ZZEF1: variants seen among roughly 807,000 people sequenced by gnomAD.
ZZEF1 encodes the protein zinc finger ZZ-type and EF-hand domain-containing protein 1.
Under a neutral mutation model 342.8 loss-of-function variants are expected in ZZEF1, and 157 were observed. The ratio of observed to expected loss-of-function variants is 0.46; its 90% confidence interval spans 0.40 to 0.52. The LOEUF is 0.52. ZZEF1 is among the 20% of genes least tolerant of loss of function. The pLI, the probability that ZZEF1 is intolerant of heterozygous loss-of-function variation, is 0.00. For synonymous variants in ZZEF1, 1,505 were observed against 1,429.1 expected (o/e 1.05, Z -1.20); for missense variants, 3,480 against 3,725.6 (o/e 0.93, Z 1.72).
In ZZEF1 at chr17:4,006,222, G is replaced by C. The variant is rs1186046939; in HGVS notation, c.*668C>G. 1 of 154,544 alleles carries C rather than the reference G, an allele frequency of 6.5e-6. No homozygotes were observed. The highest frequency in any genetic ancestry group is 6.4e-5 in the Admixed American group (1 of 15,736). 9.6% of individuals were successfully genotyped at this position (154,544 alleles called of 1,614,324 possible). A position where few individuals can be genotyped will look rare whatever the true frequency, so the allele number is the denominator to read the frequency against. ...ACTGAAATATGTCAAAACAACAACT[G>C]AGGAACTGCGGCTGTGCTGCCTGGT... is the stretch of plus-strand genomic sequence containing the variant. On this transcript the variant is annotated 3_prime_UTR_variant, in exon 55 of 55. Coordinates refer to ENST00000381638, the MANE Select transcript of ZZEF1 (RefSeq NM_015113.4).
chr17:4,042,346 A>G (rs763142751), intron 39 of ZZEF1, 83 bp downstream of exon 39: 3 of 1,416,584 alleles, frequency 2.1e-6, no homozygotes, highest in Non-Finnish European at 2.9e-6. Context: ...GATGATTGTC[A>G]TCATTTGTTT....
Position 4,105,725 on chromosome 17 carries a change from T to C in ZZEF1, c.1362A>G (p.Glu454=). The change falls in exon 7 of 55, where the codon GAA becomes GAG. Residue 454 remains glutamate (E), a synonymous_variant. Coordinates refer to ENST00000381638, the MANE Select transcript of ZZEF1 (RefSeq NM_015113.4). ...TCCTTATGAGGAAACTGTCCACTTC[T>C]TCCAGCACATTAGGGGAGAGGAAAG... The part of the protein sequence containing the change: ...FSTFLSPNVL[E]EVDSFLIRIT... The C allele has an allele frequency of 1.2e-6, 2 of 1,613,572 alleles. No individual in the cohort carries two copies. The highest frequency in any genetic ancestry group is 2.2e-5 in the South Asian group (2 of 90,936).
chr17:4,052,055 A>T lies in ZZEF1; in HGVS notation c.5516T>A (p.Ile1839Asn). The T allele has an allele frequency of 6.2e-7, 1 of 1,614,178 alleles. No individual in the cohort carries two copies. The highest frequency in any genetic ancestry group is 8.5e-7 in the Non-Finnish European group (1 of 1,180,016). ...EFTCDHCQGL[I>N]IGRRMNCNVC... ...ATTGCAGTTCATCCTCCGGCCTATG[A>T]TCAAACCCTGGCAGTGGTCACAGGT... Residue 1839 changes from isoleucine to asparagine, a missense_variant, in exon 35 of 55, where the codon ATC becomes AAC. Around this residue, in one of 5 missense-constraint regions of ZZEF1, gnomAD observed 175 missense variants for 254.6 expected, o/e 0.69. Coordinates refer to ENST00000381638, the MANE Select transcript of ZZEF1 (RefSeq NM_015113.4).
At chr17:4,056,396 G>C (rs1182919195) in intron 32 of ZZEF1, 51 bp from the exon 33 acceptor site, 5 of 1,520,108 alleles carry the variant, frequency 3.3e-6, no homozygotes, top group Non-Finnish European at 1.8e-6. Flanking sequence ...AATCACCAAG[G>C]AAAGTACTGG....
chr17:4,068,067 G>C (rs1403597440), intron 26 of ZZEF1, among the ~76,000 whole-genome samples: 1 of 152,144 alleles, frequency 6.6e-6, no homozygotes, highest in East Asian at 1.9e-4. Context: ...AACAGAGCAA[G>C]ACCCTGTCTC....
chr17:4,115,730 G>A (rs1260715090), intron 3 of ZZEF1, among the ~76,000 whole-genome samples: 3 of 152,096 alleles, frequency 2.0e-5, no homozygotes, highest in African/African-American at 4.8e-5. Context: ...CAAGGGCAGA[G>A]TTACTAAAAA....
intron 39 of ZZEF1, 26 bp downstream of exon 39, chr17:4,042,403 C>G (rs756647329): frequency 2.1e-5 from 34 of 1,599,916 alleles, no homozygotes; most frequent in Non-Finnish European, 2.9e-5. Flanking sequence ...CCACCACCCC[C>G]ACTTTTAAAA....
In ZZEF1 at chr17:4,006,577, T is replaced by TC; in HGVS notation, c.*312dup. On this transcript the variant is annotated 3_prime_UTR_variant, in exon 55 of 55. Transcript: ENST00000381638. ...GTTGAGAGAGGCCGCTTCCAAGTCT[T>TC]CCCAGGCCCACGGCTCCTGCAGTGA... 1 of 394,640 alleles carries TC rather than the reference T, an allele frequency of 2.5e-6. No homozygotes were observed. The highest frequency in any genetic ancestry group is 4.7e-6 in the Non-Finnish European group (1 of 212,674). The allele number at this position is 394,640 out of a possible 1,614,324, so 24.4% of individuals were successfully genotyped here.
intron 39 of ZZEF1, among the ~76,000 whole-genome samples, chr17:4,037,012 A>C (rs1362915626): frequency 6.6e-6 from 1 of 152,098 alleles, no homozygotes; most frequent in Admixed American, 6.6e-5. Context: ...AGAATTTAAG[A>C]AGTGCTGAAA....
chr17:4,010,721 T>A (rs1407215566), intron 52 of ZZEF1, among the ~76,000 whole-genome samples: 2 of 678 alleles, frequency 2.9e-3, no homozygotes, highest in African/African-American at 7.1e-3. Context: ...TGAGATTCCG[T>A]CTCAAAAAAA....
At chr17:4,037,490 C>A (rs558196575) in intron 39 of ZZEF1, among the ~76,000 whole-genome samples, 1 of 152,346 alleles carries the variant, frequency 6.6e-6, no homozygotes, top group East Asian at 1.9e-4. Flanking sequence ...TCTTCAAAAG[C>A]TCATGATCAC....
Position 4,032,270 on chromosome 17 carries a change from T to G in ZZEF1, c.6760-12A>C. ...CCCACACAGAGGACCTAGAACGTGG[T>G]AGACAGAGACAGAAAGGCAACTCAA... On this transcript the variant is annotated splice_polypyrimidine_tract_variant and intron_variant, in intron 41 of 54. Transcript: ENST00000381638. 2 of 1,606,604 alleles carry G rather than the reference T, an allele frequency of 1.2e-6. No individual in the cohort carries two copies.
chr17:4,105,898 T>C, intron 6 of ZZEF1, 89 bp from the exon 7 acceptor site: 1 of 1,037,836 alleles, frequency 9.6e-7, no homozygotes, highest in Middle Eastern at 2.1e-4. Context: ...TTTTGACTAA[T>C]CCCTTATAAA....
At chr17:4,119,577 C>G (rs2058450840) in intron 2 of ZZEF1, among the ~76,000 whole-genome samples, 1 of 152,180 alleles carries the variant, frequency 6.6e-6, no homozygotes, top group Non-Finnish European at 1.5e-5. Context: ...AAAGTAGACA[C>G]CTGCTGAGAC....
In ZZEF1 at chr17:4,085,792, C is replaced by T; in HGVS notation, c.2524G>A (p.Val842Met). ...YTHLCDVVDK[V>M]DGDSVPMEIL... Reference sequence around the variant, plus strand: ...TCCATGGGCACAGAGTCTCCATCCACCTTGTCCACCACTGATAAAATGAAC... The same window carrying T: ...TCCATGGGCACAGAGTCTCCATCCATCTTGTCCACCACTGATAAAATGAAC... The change falls in exon 16 of 55, where the codon GTG becomes ATG. Residue 842 changes from valine (V) to methionine (M), a missense_variant. Physicochemically the swap from Val to Met is conservative, Grantham distance 21. Around this residue, in one of 5 missense-constraint regions of ZZEF1, gnomAD observed 1,528 missense variants for 1,624.1 expected, o/e 0.94. Transcript: ENST00000381638. 2 of 1,614,112 alleles carry T rather than the reference C, an allele frequency of 1.2e-6. No homozygotes were observed. Among genetic ancestry groups the T allele is most frequent in the African/African-American group, 1.3e-5 (1 of 75,046 alleles).
chr17:4,023,778 G>T (rs995204537), intron 43 of ZZEF1, among the ~76,000 whole-genome samples: 1 of 152,126 alleles, frequency 6.6e-6, no homozygotes, highest in East Asian at 1.9e-4. Context: ...GCTGCAGTGA[G>T]CCGTGATCAC....
intron 53 of ZZEF1, 110 bp downstream of exon 53, chr17:4,009,494 G>A (rs752211556): frequency 1.5e-5 from 22 of 1,483,436 alleles, no homozygotes; most frequent in South Asian, 1.0e-4. Flanking sequence ...GTGGCCTGTC[G>A]AGACCCTGGC....
chr17:4,037,160 A>C (rs547420565), intron 39 of ZZEF1, among the ~76,000 whole-genome samples: 43 of 152,310 alleles, frequency 2.8e-4, no homozygotes, highest in Middle Eastern at 3.4e-3. Context: ...AACTAACTAA[A>C]TAAATAAATT....
chr17:4,063,776 G>A (rs1018220016), intron 29 of ZZEF1, among the ~76,000 whole-genome samples: 9 of 146,036 alleles, frequency 6.2e-5, no homozygotes, highest in Admixed American at 2.1e-4. Flanking sequence ...CGCCCAGGTT[G>A]GAGTACAGTG....
Sources: gnomAD v4.1 joint callset for allele counts (sites outside exome capture counted in the v4.1 genomes callset) on GRCh38, gnomAD v4.1.1 for gene constraint, gnomAD v4.1.1 regional missense constraint, MANE v1.5 for transcripts, NCBI Gene and HGNC (gene_info 2026-07-23, HGNC 2026-07-21) for gene names.